The following SYNC variants were observed in gnomAD, a reference collection of about 807,000 sequenced individuals.
SYNC encodes syncoilin, intermediate filament protein.
A neutral mutation model predicts 49.5 loss-of-function variants in SYNC; 38 were observed. The observed-to-expected ratio is 0.77, with a 90% CI of 0.59 to 1.01. The LOEUF (loss-of-function observed/expected upper bound fraction) is 1.01. SYNC is among the 50% of genes least tolerant of loss of function. The pLI, the probability that SYNC is intolerant of heterozygous loss-of-function variation, is 0.00. For missense variants in SYNC, 579 were observed against 580.6 expected (o/e 1.00, Z 0.03); for synonymous variants, 201 against 230.8 (o/e 0.87, Z 1.17).
At chr1:32,689,945 A>C (rs1192899163) in intron 2 of SYNC, among the ~76,000 whole-genome samples, 1 of 151,804 alleles carries the variant, frequency 6.6e-6, no homozygotes, top group African/African-American at 2.4e-5. Context: ...GTCACAAAAA[A>C]AAAAAAAAAA....
intron 2 of SYNC, among the ~76,000 whole-genome samples, chr1:32,687,767 G>A (rs1249913906): frequency 2.6e-5 from 4 of 151,160 alleles, no homozygotes; most frequent in Non-Finnish European, 5.9e-5. Context: ...ATGTCTTTTT[G>A]TGTTTCCATG....
In SYNC at chr1:32,694,999, C is replaced by G. The variant is rs1258115767; in HGVS notation, c.1099G>C (p.Glu367Gln). ...GTKALQRTQAEIQEMKEALRP... is the reference protein window; with the variant it reads ...GTKALQRTQAQIQEMKEALRP... ...AGAGCCTCCTTCATTTCCTGGATCTCAGCCTGGGTTCTCTGCAGAGCTTTG... is the reference window on the plus strand; with the variant it reads ...AGAGCCTCCTTCATTTCCTGGATCTGAGCCTGGGTTCTCTGCAGAGCTTTG... Residue 367 changes from glutamate (E) to glutamine (Q), a missense_variant, in exon 2 of 5, where the codon GAG becomes CAG. Coordinates refer to ENST00000409190, the MANE Select transcript of SYNC (RefSeq NM_030786.3). 6.2e-7 allele frequency: 1 copy of G among 1,614,100 alleles called. No individual in the cohort carries two copies. The highest frequency in any genetic ancestry group is 1.7e-5 in the Admixed American group (1 of 60,004).
intron 4 of SYNC, chr1:32,683,351 A>AAG (rs1296808791): frequency 6.6e-6 from 1 of 152,004 alleles, no homozygotes; most frequent in Non-Finnish European, 1.5e-5. Context: ...AATATTATAT[A>AAG]AGGAACTTAA....
At chr1:32,699,717 C>G (rs1306881669) in intron 1 of SYNC, among the ~76,000 whole-genome samples, 1 of 138,716 alleles carries the variant, frequency 7.2e-6, no homozygotes. Flanking sequence ...AAAGATGTGG[C>G]CCAAACATAC....
At chr1:32,700,311 C>T (rs1417362179) in intron 1 of SYNC, among the ~76,000 whole-genome samples, 1 of 152,232 alleles carries the variant, frequency 6.6e-6, no homozygotes, top group Non-Finnish European at 1.5e-5. Context: ...GCCCTTTCAT[C>T]ATTCTCGTGC....
chr1:32,703,175 T>G (rs1650737141), upstream of SYNC: 1 of 151,850 alleles, frequency 6.6e-6, no homozygotes, highest in African/African-American at 2.4e-5. Context: ...GCAGCCACCC[T>G]CTGGGCACTC....
In SYNC at chr1:32,695,502, T is replaced by G; in HGVS notation, c.596A>C (p.Glu199Ala). 6.4e-7 allele frequency: 1 copy of G among 1,551,328 alleles called. No homozygotes were observed. Among genetic ancestry groups the G allele is most frequent in the East Asian group, 2.4e-5 (1 of 40,870 alleles). The change falls in exon 2 of 5, where the codon GAG becomes GCG. Residue 199 changes from glutamate to alanine, a missense_variant. Coordinates refer to ENST00000409190, the MANE Select transcript of SYNC (RefSeq NM_030786.3). ...LEEERDQLIH[E>A]LVLLREPALQ... ...GGCTGGTTCCCGGAGCAATACAAGC[T>G]CATGGATGAGCTGATCCCTCTCCTC... is the stretch of plus-strand genomic sequence containing the variant.
Position 32,680,390 on chromosome 1 carries a change from C to A in SYNC, c.*1460G>T. Reference sequence around the variant, plus strand: ...TTTTTTTTTTTTAACTTGGGACCACCAAGTTGTAAAGATGTATGTTTTTAC... The same window carrying A: ...TTTTTTTTTTTTAACTTGGGACCACAAAGTTGTAAAGATGTATGTTTTTAC... On this transcript the variant is annotated 3_prime_UTR_variant, in exon 5 of 5. Transcript: ENST00000409190. The A allele has an allele frequency of 8.6e-7, 1 of 1,157,772 alleles. No homozygotes were observed. The allele number at this position is 1,157,772 out of a possible 1,614,324, so 71.7% of individuals were successfully genotyped here. A position where few individuals can be genotyped will look rare whatever the true frequency, so the allele number is the denominator to read the frequency against.
intron 2 of SYNC, among the ~76,000 whole-genome samples, chr1:32,691,454 G>A (rs1650162074): frequency 6.6e-6 from 1 of 151,650 alleles, no homozygotes; most frequent in African/African-American, 2.4e-5. Context: ...TTGGGAGGCT[G>A]AGGCAGGAAA....
Position 32,695,884 on chromosome 1 carries a change from A to C in SYNC, c.214T>G (p.Tyr72Asp). Residue 72 changes from tyrosine to aspartate, a missense_variant, in exon 2 of 5, where the codon TAT becomes GAT. Coordinates refer to ENST00000409190, the MANE Select transcript of SYNC (RefSeq NM_030786.3). Reference sequence around the variant, plus strand: ...TCTGCCTTCTCAGTCTCTTGCACATAGAGTGTCTCATCAAGGTCACCTGTG... The same window carrying C: ...TCTGCCTTCTCAGTCTCTTGCACATCGAGTGTCTCATCAAGGTCACCTGTG... ...EDTGDLDETL[Y>D]VQETEKAEEA... is the part of the protein sequence containing the mutation. 2 of 1,552,020 alleles carry C rather than the reference A, an allele frequency of 1.3e-6. No individual in the cohort carries two copies.
chr1:32,687,400 G>C (rs1381135095), intron 2 of SYNC, among the ~76,000 whole-genome samples: 1 of 148,614 alleles, frequency 6.7e-6, no homozygotes, highest in Non-Finnish European at 1.5e-5. Context: ...TAGTAGGCCA[G>C]GCACGGTGGT....
upstream of SYNC, chr1:32,703,522 G>A (rs1323267136): frequency 6.6e-6 from 1 of 152,314 alleles, no homozygotes; most frequent in African/African-American, 2.4e-5. Flanking sequence ...TTCTCCCCAA[G>A]AGAGAAGCTG....
chr1:32,687,543 C>T (rs1452505165), intron 2 of SYNC, among the ~76,000 whole-genome samples: 6 of 149,984 alleles, frequency 4.0e-5, no homozygotes, highest in South Asian at 4.2e-4. Flanking sequence ...TGGTGGCACA[C>T]GCCTGTAGTC....
In SYNC at chr1:32,702,723, C is replaced by T. The variant is rs528378036; in HGVS notation, c.-63G>A. ...AGCCGGGCCCGCGGGCCCCTCGCTC[C>T]GGCGCCCGCGCCCGCCGCACTGCCA... is the stretch of plus-strand genomic sequence containing the variant. On this transcript the variant is annotated 5_prime_UTR_variant, in exon 1 of 5. Coordinates refer to ENST00000409190, the MANE Select transcript of SYNC (RefSeq NM_030786.3). The surrounding 1 kb of genome is among the most constrained non-coding windows in gnomAD (Gnocchi z 6.2). 6 of 1,095,708 alleles carry T rather than the reference C, an allele frequency of 5.5e-6. No individual in the cohort carries two copies. Among genetic ancestry groups the T allele is most frequent in the Non-Finnish European group, 6.7e-6 (6 of 899,836 alleles). The allele number at this position is 1,095,708 out of a possible 1,614,324, so 67.9% of individuals were successfully genotyped here. A position where few individuals can be genotyped will look rare whatever the true frequency, so the allele number is the denominator to read the frequency against.
In SYNC at chr1:32,702,532, G is replaced by T; in HGVS notation, c.53+76C>A. Reference sequence around the variant, plus strand: ...CCTAGACAGGCGAAAGACGCCCGCGGTCGGGGGGAAAGGGAACCCGTCCAG... The same window carrying T: ...CCTAGACAGGCGAAAGACGCCCGCGTTCGGGGGGAAAGGGAACCCGTCCAG... On this transcript the variant is annotated intron_variant, in intron 1 of 4. Transcript: ENST00000409190. The surrounding 1 kb of genome is among the most constrained non-coding windows in gnomAD (Gnocchi z 6.2). The T allele has an allele frequency of 8.4e-7, 1 of 1,192,344 alleles. No homozygotes were observed. The allele number at this position is 1,192,344 out of a possible 1,614,324, so 73.9% of individuals were successfully genotyped here.
intron 2 of SYNC, among the ~76,000 whole-genome samples, chr1:32,686,475 A>G (rs577414458): frequency 3.9e-5 from 6 of 152,326 alleles, no homozygotes; most frequent in Non-Finnish European, 8.8e-5. Flanking sequence ...AATTTTCTAC[A>G]TAGGACAAAG....
chr1:32,686,457 C>G (rs2148548012), intron 2 of SYNC, among the ~76,000 whole-genome samples: 1 of 152,252 alleles, frequency 6.6e-6, no homozygotes, highest in African/African-American at 2.4e-5. Flanking sequence ...GACAGCATTG[C>G]CAGTTTTAAT....
In SYNC at chr1:32,702,072, T is replaced by TC. The variant is rs1280069386; in HGVS notation, c.53+535dup. ...CCAAACCCCTCAGCCACAGGTCCCT[T>TC]CCCCCAATAATCAGCCGTGCCCTGC... On this transcript the variant is annotated intron_variant, in intron 1 of 4. Coordinates refer to ENST00000409190, the MANE Select transcript of SYNC (RefSeq NM_030786.3). This position sits in a 1 kb window ranked among gnomAD's most constrained non-coding sequence, Gnocchi z 6.2. 6.6e-6 allele frequency among the ~76,000 whole-genome samples: 1 copy of TC among 151,982 alleles called. No individual in the cohort carries two copies. Among genetic ancestry groups the TC allele is most frequent in the Non-Finnish European group, 1.5e-5 (1 of 67,994 alleles).
At chr1:32,701,927 C>T (rs1383922758) in intron 1 of SYNC, among the ~76,000 whole-genome samples, 1 of 152,168 alleles carries the variant, frequency 6.6e-6, no homozygotes, top group African/African-American at 2.4e-5. Context: ...GACCGCTCAG[C>T]TTTGTGCCCC....
Sources: gnomAD v4.1 joint callset for allele counts (sites outside exome capture counted in the v4.1 genomes callset) on GRCh38, gnomAD v4.1.1 for gene constraint, Gnocchi (gnomAD v3.1) non-coding constraint, MANE v1.5 for transcripts, NCBI Gene and HGNC (gene_info 2026-07-23, HGNC 2026-07-21) for gene names.